The following PXDNL variants were observed in gnomAD, a reference collection of about 807,000 sequenced individuals.
PXDNL encodes peroxidasin like.
In PXDNL, 145 loss-of-function variants were observed where a neutral mutation model predicts 150.8. That is an observed-to-expected ratio of 0.96 (90% CI 0.84 to 1.10). The LOEUF (loss-of-function observed/expected upper bound fraction) is 1.10, where lower values mean the gene tolerates loss of function less well. Ranked by LOEUF, PXDNL falls within the 50% of genes least tolerant of loss-of-function variation. PXDNL has a pLI of 0.00. For missense variants in PXDNL, 2,087 were observed against 1,873.9 expected, an observed-to-expected ratio of 1.11 and a Z score of -2.10; for synonymous variants, 757 against 725.7, an observed-to-expected ratio of 1.04 and a Z score of -0.69.
chr8:51,736,554 C>T lies in PXDNL; in HGVS notation c.164+72627G>A, dbSNP rs571683735. Among the ~76,000 whole-genome samples the T allele has an allele frequency of 2.0e-5, 3 of 152,278 alleles. No homozygotes were observed. In the South Asian group the frequency reaches 6.2e-4, roughly 32 times the overall value. ...GCCTGTCAAACAACTTTGGATCAGCCCACTCCTTGTTCCTGTTTGTCTTTA... is the reference window on the plus strand; with the variant it reads ...GCCTGTCAAACAACTTTGGATCAGCTCACTCCTTGTTCCTGTTTGTCTTTA... On this transcript the variant is annotated intron_variant, in intron 1 of 22. Transcript: ENST00000356297.
intron 17 of PXDNL, among the ~76,000 whole-genome samples, chr8:51,402,454 C>T (rs1296853597): frequency 1.3e-5 from 2 of 151,580 alleles, no homozygotes; most frequent in Non-Finnish European, 2.9e-5. Context: ...TGGAGGTGGA[C>T]GCTGCAGCAA....
intron 1 of PXDNL, among the ~76,000 whole-genome samples, chr8:51,688,478 G>T (rs1346339191): frequency 6.6e-6 from 1 of 152,092 alleles, no homozygotes; most frequent in Non-Finnish European, 1.5e-5. Flanking sequence ...GGCAGGTCTG[G>T]GTTCAATGAT....
chr8:51,457,829 T>A (rs971349377), intron 8 of PXDNL, among the ~76,000 whole-genome samples, 162 bp from the exon 9 acceptor site: 1 of 152,194 alleles, frequency 6.6e-6, no homozygotes, highest in Non-Finnish European at 1.5e-5. Flanking sequence ...TAAATCCTAG[T>A]TATCTTGTTC....
At chr8:51,547,001 CA>C (rs1255833766) in intron 4 of PXDNL, among the ~76,000 whole-genome samples, 1 of 152,158 alleles carries the variant, frequency 6.6e-6, no homozygotes, top group East Asian at 1.9e-4. Context: ...CAAGCCCCAC[CA>C]AAGAAGAGTC....
intron 2 of PXDNL, among the ~76,000 whole-genome samples, chr8:51,608,054 A>AAAGAAAGAAAGAAAGC (rs1554557536): frequency 1.1e-3 from 122 of 111,662 alleles, no homozygotes; most frequent in East Asian, 2.1e-3. Context: ...AGAAAGAAAG[A>AAAGAAAGAAAGAAAGC]AAGCAAGCAA....
chr8:51,611,622 AT>A (rs1814003288), intron 2 of PXDNL, among the ~76,000 whole-genome samples: 1 of 152,240 alleles, frequency 6.6e-6, no homozygotes, highest in Non-Finnish European at 1.5e-5. Flanking sequence ...GGGATAGGTC[AT>A]GCACCCAAAC....
intron 1 of PXDNL, among the ~76,000 whole-genome samples, chr8:51,780,876 T>G (rs1585745816): frequency 6.6e-6 from 1 of 151,698 alleles, no homozygotes; most frequent in Non-Finnish European, 1.5e-5. Flanking sequence ...GCCAGGCTGG[T>G]CTCGAACTCC....
At chr8:51,325,709 A>C (rs912161053) in intron 21 of PXDNL, among the ~76,000 whole-genome samples, 2 of 152,128 alleles carry the variant, frequency 1.3e-5, no homozygotes, top group African/African-American at 4.8e-5. Flanking sequence ...GGCTCCCCTT[A>C]TGACCCCAAG....
intron 4 of PXDNL, among the ~76,000 whole-genome samples, chr8:51,504,720 A>G (rs574738491): frequency 2.4e-4 from 36 of 152,392 alleles, no homozygotes; most frequent in African/African-American, 8.7e-4. Flanking sequence ...GTTTCTTAGC[A>G]GAGTTTGACA....
intron 1 of PXDNL, among the ~76,000 whole-genome samples, chr8:51,746,573 G>A (rs1024809605): frequency 3.3e-5 from 5 of 152,152 alleles, no homozygotes; most frequent in Non-Finnish European, 7.4e-5. Flanking sequence ...TGGGGCAACA[G>A]ATAAGTCCCC....
At chr8:51,720,851 C>G (rs1032220508) in intron 1 of PXDNL, among the ~76,000 whole-genome samples, 89 of 152,358 alleles carry the variant, frequency 5.8e-4, no homozygotes, top group African/African-American at 2.0e-3. Flanking sequence ...CCTGCCTAGG[C>G]CGGTGAAGGC....
At chr8:51,678,382 T>G (rs1815673147) in intron 1 of PXDNL, among the ~76,000 whole-genome samples, 1 of 152,178 alleles carries the variant, frequency 6.6e-6, no homozygotes, top group South Asian at 2.1e-4. Context: ...CCGAAGGTAC[T>G]CTGTAGAATT....
intron 1 of PXDNL, among the ~76,000 whole-genome samples, chr8:51,675,792 C>CAAAGAA (rs1554565170): frequency 1.1e-5 from 1 of 93,250 alleles, no homozygotes; most frequent in Non-Finnish European, 2.0e-5. Context: ...GGCTCCGTCT[C>CAAAGAA]AAAAAAAAAA....
At chr8:51,384,973 C>T (rs1004470580) in intron 17 of PXDNL, among the ~76,000 whole-genome samples, 1 of 151,914 alleles carries the variant, frequency 6.6e-6, no homozygotes, top group Non-Finnish European at 1.5e-5. Flanking sequence ...TCAAAGAAGG[C>T]AGAGACATCA....
At chr8:51,743,395 T>A (rs2036928311) in intron 1 of PXDNL, among the ~76,000 whole-genome samples, 1 of 151,710 alleles carries the variant, frequency 6.6e-6, no homozygotes, top group Non-Finnish European at 1.5e-5. Flanking sequence ...TTTTTTTTTT[T>A]AAAGACAGAG....
At chr8:51,549,389 T>C (rs950567508) in intron 4 of PXDNL, among the ~76,000 whole-genome samples, 2 of 152,022 alleles carry the variant, frequency 1.3e-5, no homozygotes, top group Non-Finnish European at 2.9e-5. Flanking sequence ...ATTTTTTTCA[T>C]CAGAACATGG....
At chr8:51,502,511 G>C (rs1228351952) in intron 4 of PXDNL, among the ~76,000 whole-genome samples, 1 of 152,108 alleles carries the variant, frequency 6.6e-6, no homozygotes, top group East Asian at 1.9e-4. Context: ...AAGCTGTGGG[G>C]TTCTTAACTG....
At chr8:51,383,400 A>G (rs1392022831) in intron 17 of PXDNL, among the ~76,000 whole-genome samples, 1 of 152,194 alleles carries the variant, frequency 6.6e-6, no homozygotes, top group Non-Finnish European at 1.5e-5. Flanking sequence ...GACATCTGTA[A>G]TCTGAGATGG....
At chr8:51,621,448 CTGTG>C (rs10531050) in intron 2 of PXDNL, among the ~76,000 whole-genome samples, 19,510 of 142,012 alleles carry the variant, frequency 0.14, 1,400 homozygotes, top group East Asian at 0.21. Flanking sequence ...GTGTGTGTGT[CTGTG>C]TGTGTGTGTG....
Sources: allele counts gnomAD v4.1 joint callset (sites outside exome capture counted in the v4.1 genomes callset), GRCh38; gene constraint gnomAD v4.1.1; transcripts MANE v1.5; gene names NCBI Gene and HGNC (gene_info 2026-07-23, HGNC 2026-07-21).